ARID5B: variants seen among roughly 807,000 people sequenced by gnomAD.
ARID5B encodes AT-rich interactive domain-containing protein 5B.
A neutral mutation model predicts 97.2 loss-of-function variants in ARID5B; 13 were observed. The ratio of observed to expected loss-of-function variants is 0.13; its 90% CI spans 0.09 to 0.21. ARID5B has a LOEUF of 0.21. Among genes scored for constraint, ARID5B ranks in the 10% least tolerant of loss-of-function variants. ARID5B has a pLI of 1.00. For missense variants in ARID5B, 1,210 were observed against 1,465.3 expected (o/e 0.83, Z 2.84); for synonymous variants, 556 against 570.3 (o/e 0.97, Z 0.36).
intron 2 of ARID5B, among the ~76,000 whole-genome samples, chr10:61,909,164 A>G (rs1266879893): frequency 1.3e-5 from 2 of 152,024 alleles, no homozygotes; most frequent in Non-Finnish European, 2.9e-5. Context: ...CCTGTCGTGC[A>G]CTTTATACCT....
rs1456144688 is a variant in ARID5B, at chr10:62,026,661, A to T, written c.734-24227A>T. ...TACAAGTGACTAATATATTAATCCC[A>T]CTCTTCCCTTCTGCCTTGTGGGATC... On this transcript the variant is annotated intron_variant, in intron 4 of 9. Transcript: ENST00000279873. 8.5e-5 allele frequency among the ~76,000 whole-genome samples: 13 copies of T among 152,056 alleles called. 1 individual carries two copies. Among genetic ancestry groups the T allele is most frequent in the Non-Finnish European group, 2.9e-5 (2 of 68,006 alleles).
At chr10:62,031,261 A>C (rs1839494522) in intron 4 of ARID5B, among the ~76,000 whole-genome samples, 1 of 152,226 alleles carries the variant, frequency 6.6e-6, no homozygotes, top group Admixed American at 6.5e-5. Flanking sequence ...CTGATCTGGC[A>C]TCTTTAGAGA....
At chr10:61,915,973 C>T (rs545119709) in intron 2 of ARID5B, among the ~76,000 whole-genome samples, 33 of 152,312 alleles carry the variant, frequency 2.2e-4, no homozygotes, top group Admixed American at 1.0e-3. Flanking sequence ...TCAGGCAGGT[C>T]TTGAACTCCT....
chr10:62,087,337 G>GCATATTATTTA (rs1840304282), intron 9 of ARID5B, among the ~76,000 whole-genome samples: 2 of 138,366 alleles, frequency 1.4e-5, no homozygotes, highest in Admixed American at 7.4e-5. Flanking sequence ...GATCTTAAGT[G>GCATATTATTTA]CATATTATTT....
intron 3 of ARID5B, among the ~76,000 whole-genome samples, chr10:61,952,160 C>A (rs993823450): frequency 6.6e-6 from 1 of 152,180 alleles, no homozygotes; most frequent in African/African-American, 2.4e-5. Context: ...GCCTGGTTTT[C>A]TTTCTCTTTA....
intron 2 of ARID5B, 57 bp downstream of exon 2, chr10:61,902,470 C>A: frequency 6.3e-7 from 1 of 1,584,730 alleles, no homozygotes; most frequent in Non-Finnish European, 8.6e-7. Context: ...CCTAGTAATG[C>A]TTATTACAGG....
At position 61,940,331 on chromosome 10, in the gene ARID5B, C is replaced by T. The variant is rs1844377700; in HGVS notation, c.425C>T (p.Ala142Val). ...TTGGGAAGGAATGGACAGAAGGAAG[C>T]TCTGCTGAAGTACAGGCAGTCAACC... is the stretch of plus-strand genomic sequence containing the variant. Reference protein sequence around the residue: ...EALGRNGQKEALLKYRQSTLN... With the variant: ...EALGRNGQKEVLLKYRQSTLN... Residue 142 changes from alanine to valine, a missense_variant, in exon 3 of 10, where the codon GCT (alanine) becomes GTT (valine). Around this residue, in one of 8 missense-constraint regions of ARID5B, gnomAD observed 82 missense variants for 79.3 expected, o/e 1.03. Transcript: ENST00000279873. 4 of 1,614,156 alleles carry T rather than the reference C, an allele frequency of 2.5e-6. No individual in the cohort carries two copies. The highest frequency in any genetic ancestry group is 1.1e-5 in the South Asian group (1 of 91,082).
chr10:61,968,382 G>A lies in ARID5B; in HGVS notation c.502+27974G>A, dbSNP rs571865707. On this transcript the variant is annotated intron_variant, in intron 3 of 9. Transcript: ENST00000279873. ...AGAAAATACTAACATACACATAATC[G>A]TTTTTGCCTGATGTCTCTTTCTGGT... Among the ~76,000 whole-genome samples the A allele has an allele frequency of 5.8e-4, 87 of 151,250 alleles. 1 individual carries two copies. Among genetic ancestry groups the A allele is most frequent in the Admixed American group, 2.0e-4 (3 of 15,196 alleles).
intron 3 of ARID5B, among the ~76,000 whole-genome samples, chr10:61,968,266 A>G (rs1838576219): frequency 6.7e-6 from 1 of 150,368 alleles, no homozygotes; most frequent in Non-Finnish European, 1.5e-5. Context: ...GCCCTCTGAC[A>G]TTTTCTTTTC....
intron 7 of ARID5B, among the ~76,000 whole-genome samples, chr10:62,066,082 C>T (rs61850787): frequency 0.01 from 1,571 of 152,240 alleles, 12 homozygotes; most frequent in Middle Eastern, 0.02. Flanking sequence ...TTAAAGCTTA[C>T]CCACATCGAG....
intron 4 of ARID5B, among the ~76,000 whole-genome samples, chr10:62,047,894 G>A (rs951519468): frequency 6.6e-6 from 1 of 152,138 alleles, no homozygotes; most frequent in South Asian, 2.1e-4. Flanking sequence ...TCTCTGATTC[G>A]ATTGCAGAGG....
chr10:62,020,928 G>A (rs923998644), intron 4 of ARID5B, among the ~76,000 whole-genome samples: 6 of 151,088 alleles, frequency 4.0e-5, no homozygotes, highest in Non-Finnish European at 4.4e-5. Context: ...TGTAGCCCTC[G>A]TTCTGGAACT....
At chr10:61,996,731 C>T (rs939946800) in intron 3 of ARID5B, among the ~76,000 whole-genome samples, 5 of 151,826 alleles carry the variant, frequency 3.3e-5, no homozygotes, top group Admixed American at 3.3e-4. Context: ...CTCTGTTTCT[C>T]GTATTTTTAG....
intron 2 of ARID5B, among the ~76,000 whole-genome samples, chr10:61,912,109 A>T (rs1358547270): frequency 2.6e-5 from 4 of 152,208 alleles, no homozygotes; most frequent in Non-Finnish European, 4.4e-5. Context: ...AAGCAAGTAA[A>T]TTATTTACAG....
At chr10:62,079,239 A>T (rs1169339762) in intron 8 of ARID5B, among the ~76,000 whole-genome samples, 1 of 152,004 alleles carries the variant, frequency 6.6e-6, no homozygotes, top group Non-Finnish European at 1.5e-5. Flanking sequence ...TGAGATGAAG[A>T]TAGCTGGACT....
intron 2 of ARID5B, among the ~76,000 whole-genome samples, chr10:61,917,480 C>T (rs555022887): frequency 6.6e-6 from 1 of 152,254 alleles, no homozygotes; most frequent in African/African-American, 2.4e-5. Context: ...AGGAAAGCAC[C>T]ACCACGCCCG....
At chr10:61,931,536 G>A (rs905055166) in intron 2 of ARID5B, among the ~76,000 whole-genome samples, 3 of 152,132 alleles carry the variant, frequency 2.0e-5, no homozygotes, top group African/African-American at 7.2e-5. Flanking sequence ...CCTTTGCTTT[G>A]TGAAAGACAC....
At position 62,092,489 on chromosome 10, in the gene ARID5B, C is replaced by A; in HGVS notation, c.3026C>A (p.Ala1009Glu). 1 of 1,614,156 alleles carries A rather than the reference C, an allele frequency of 6.2e-7. No homozygotes were observed. Among genetic ancestry groups the A allele is most frequent in the Non-Finnish European group, 8.5e-7 (1 of 1,180,004 alleles). The change falls in exon 10 of 10, where the codon GCG (alanine) becomes GAG (glutamate). Residue 1009 changes from alanine to glutamate, a missense_variant. This residue lies in a region of ARID5B where 800 missense variants were observed against 839.1 expected (regional missense o/e 0.95). Transcript: ENST00000279873. Reference sequence around the variant, plus strand: ...ATGAGCCCGCAGAACATTGGGGCGGCGCGGCCGATCAAGCGCAGCCTGGAG... The same window carrying A: ...ATGAGCCCGCAGAACATTGGGGCGGAGCGGCCGATCAAGCGCAGCCTGGAG... Reference protein sequence around the residue: ...RKMSPQNIGAARPIKRSLEDL... With the variant: ...RKMSPQNIGAERPIKRSLEDL...
rs767469920 is a variant in ARID5B at position 62,092,637 on chromosome 10, C to T, written c.3174C>T (p.His1058=). The T allele has an allele frequency of 3.1e-6, 5 of 1,614,010 alleles. No individual in the cohort carries two copies. Among genetic ancestry groups the T allele is most frequent in the African/African-American group, 2.7e-5 (2 of 74,920 alleles). Reference sequence around the variant, plus strand: ...AGAGTGAAGGCAGCAAAGCAGCGCACGGTGGGCATTCCGGGGGCGGATCAG... The same window carrying T: ...AGAGTGAAGGCAGCAAAGCAGCGCATGGTGGGCATTCCGGGGGCGGATCAG... ...EQESEGSKAA[H]GGHSGGGSEG... The change falls in exon 10 of 10, where the codon CAC becomes CAT. Residue 1058 remains histidine (H), a synonymous_variant. Transcript: ENST00000279873.
Sources: gnomAD v4.1 joint callset for allele counts (sites outside exome capture counted in the v4.1 genomes callset) on GRCh38, gnomAD v4.1.1 for gene constraint, gnomAD v4.1.1 regional missense constraint, MANE v1.5 for transcripts, NCBI Gene and HGNC (gene_info 2026-07-23, HGNC 2026-07-21) for gene names.